Variants in REPS2 observed in about 807,000 individuals in gnomAD.
REPS2 encodes ralBP1-associated Eps domain-containing protein 2.
A neutral mutation model predicts 53.6 loss-of-function variants in REPS2; 23 were observed. That is an observed-to-expected ratio of 0.43 (90% CI 0.31 to 0.61). REPS2 has a LOEUF of 0.61. REPS2 is among the 20% of genes least tolerant of loss of function. The pLI is 0.11. For synonymous variants in REPS2, 238 were observed against 218.6 expected (o/e 1.09, Z -0.78); for missense variants, 446 against 534.9 (o/e 0.83, Z 1.64).
chrX:16,963,009 G>A (rs1033678872), intron 1 of REPS2, among the ~76,000 whole-genome samples: 4 of 111,520 alleles, frequency 3.6e-5, no homozygotes, highest in Admixed American at 9.5e-5. Context: ...TGAGGCAAGA[G>A]GATTGCTTGA....
Position 16,965,870 on chromosome X carries a change from G to A in REPS2, c.273+18736G>A, listed in dbSNP as rs1357472354. ...CGTCTGCAATCCCGGCACCTCGGGA[G>A]GCCGAGGCTGGCGGGTCACTCGCGG... On this transcript the variant is annotated intron_variant, in intron 1 of 17. Coordinates refer to ENST00000357277, the MANE Select transcript of REPS2 (RefSeq NM_004726.3). Among the ~76,000 whole-genome samples the A allele has an allele frequency of 4.4e-5, 5 of 112,972 alleles. No homozygotes were observed. The East Asian group carries it at 1.4e-3, about 32-fold the overall frequency.
the REPS2 span, among the ~76,000 whole-genome samples, chrX:17,166,805 C>T: frequency 8.9e-6 from 1 of 111,947 alleles, no homozygotes; most frequent in Admixed American, 9.5e-5. Flanking sequence ...TCTTCTTTAA[C>T]TCTCATAGCA....
At chrX:17,099,752 G>T in intron 13 of REPS2, 1 of 539,911 alleles carries the variant, frequency 1.9e-6, no homozygotes. Context: ...AGTCAGATGT[G>T]ATAGAGGCTG....
At chrX:17,114,532 A>G (rs911746295) in intron 14 of REPS2, among the ~76,000 whole-genome samples, 1 of 111,581 alleles carries the variant, frequency 9.0e-6, no homozygotes, top group Admixed American at 9.6e-5. Context: ...TTTCTTTTAA[A>G]AATTTTGTCT....
intron 14 of REPS2, among the ~76,000 whole-genome samples, chrX:17,113,757 A>C (rs1189468313): frequency 9.0e-6 from 1 of 111,549 alleles, no homozygotes; most frequent in Non-Finnish European, 1.9e-5. Flanking sequence ...CCAGCATTGG[A>C]ATGGAGGAGA....
At chrX:17,136,162 C>T (rs1211308949) in intron 16 of REPS2, 3 of 112,129 alleles carry the variant, frequency 2.7e-5, no homozygotes, top group East Asian at 2.8e-4. Flanking sequence ...ATGCTCAAGA[C>T]CCATCATGAC....
intron 10 of REPS2, among the ~76,000 whole-genome samples, chrX:17,069,075 T>G (rs962200829): frequency 8.9e-6 from 1 of 111,975 alleles, no homozygotes; most frequent in African/African-American, 3.2e-5. Flanking sequence ...CCTCCTATAC[T>G]TTGTATAGTG....
At chrX:17,048,065 A>G (rs1327609528) in intron 6 of REPS2, among the ~76,000 whole-genome samples, 2 of 112,660 alleles carry the variant, frequency 1.8e-5, no homozygotes, top group African/African-American at 6.4e-5. Flanking sequence ...AACTGGTTTA[A>G]TGCCAGTGTG....
intron 16 of REPS2, chrX:17,137,769 G>T (rs1267282411): frequency 1.8e-5 from 2 of 111,167 alleles, no homozygotes; most frequent in East Asian, 5.6e-4. Flanking sequence ...ACCATTCCCA[G>T]CCAATTTCAT....
intron 9 of REPS2, among the ~76,000 whole-genome samples, chrX:17,063,299 G>A (rs2062181332): frequency 8.9e-6 from 1 of 111,962 alleles, no homozygotes; most frequent in African/African-American, 3.3e-5. Flanking sequence ...ATAATAGTCA[G>A]AGACTATTAG....
intron 11 of REPS2, among the ~76,000 whole-genome samples, chrX:17,070,272 A>C (rs992195351): frequency 8.9e-6 from 1 of 112,132 alleles, no homozygotes; most frequent in African/African-American, 3.2e-5. Context: ...TAAGTGCAAA[A>C]TTGAGAAGGC....
chrX:17,089,929 A>G (rs1427716498), intron 13 of REPS2, among the ~76,000 whole-genome samples: 2 of 112,228 alleles, frequency 1.8e-5, no homozygotes, highest in Non-Finnish European at 3.8e-5. Flanking sequence ...TGGTAAATTT[A>G]TGTTTAACTT....
intron 7 of REPS2, 71 bp from the exon 8 acceptor site, chrX:17,054,737 T>C: frequency 9.1e-7 from 1 of 1,101,073 alleles, no homozygotes; most frequent in South Asian, 2.0e-5. Flanking sequence ...GGAGTTTTAT[T>C]GGCACGTTTG....
At chrX:17,098,871 CCAA>C (rs2148045542) in intron 13 of REPS2, among the ~76,000 whole-genome samples, 1 of 111,690 alleles carries the variant, frequency 9.0e-6, no homozygotes, top group South Asian at 3.8e-4. Flanking sequence ...TTTCCCTTCC[CCAA>C]CACCTCAGCC....
chrX:16,987,401 A>G (rs2061104828), intron 1 of REPS2, among the ~76,000 whole-genome samples: 1 of 111,936 alleles, frequency 8.9e-6, no homozygotes. Context: ...TGTTTAGGGG[A>G]TGTGTTGGTA....
chrX:16,969,694 C>A (rs1030341566), intron 1 of REPS2, among the ~76,000 whole-genome samples: 2 of 105,617 alleles, frequency 1.9e-5, no homozygotes, highest in Non-Finnish European at 3.9e-5. Context: ...CAGACTCCCA[C>A]GGCATCAGAG....
intron 1 of REPS2, among the ~76,000 whole-genome samples, chrX:16,984,740 A>AT (rs113305991): frequency 3.9e-4 from 42 of 108,868 alleles, no homozygotes; most frequent in African/African-American, 1.1e-3. Context: ...TCATTGGGGA[A>AT]TTTTTTTTTT....
the REPS2 span, among the ~76,000 whole-genome samples, chrX:17,165,441 A>C: frequency 1.2e-4 from 13 of 111,182 alleles, no homozygotes; most frequent in African/African-American, 3.9e-4. Context: ...CTTCCTGGGA[A>C]TCTTGTTCTC....
intron 17 of REPS2, among the ~76,000 whole-genome samples, chrX:17,143,967 G>A (rs2063480150): frequency 8.9e-6 from 1 of 112,386 alleles, no homozygotes; most frequent in Non-Finnish European, 1.9e-5. Context: ...TATTTAAAAG[G>A]AAGATGAAAA....
Sources: gnomAD v4.1 joint callset for allele counts (sites outside exome capture counted in the v4.1 genomes callset) on GRCh38, gnomAD v4.1.1 for gene constraint, MANE v1.5 for transcripts, NCBI Gene and HGNC (gene_info 2026-07-23, HGNC 2026-07-21) for gene names.